Variants in TIMM29 observed in about 807,000 individuals in gnomAD.
TIMM29 encodes the protein mitochondrial import inner membrane translocase subunit Tim29.
Under a neutral mutation model 19.5 loss-of-function variants are expected in TIMM29, and 23 were observed. That is an observed-to-expected ratio of 1.18 (90% CI 0.85 to 1.67). The LOEUF (loss-of-function observed/expected upper bound fraction) is 1.67, where lower values mean the gene tolerates loss of function less well. Among genes scored for constraint, TIMM29 ranks in the 40% most tolerant of loss-of-function variants. TIMM29 has a pLI of 0.00. For missense variants in TIMM29, 404 were observed against 384.7 expected, an observed-to-expected ratio of 1.05 and a Z score of -0.42; for synonymous variants, 209 against 185.0, an observed-to-expected ratio of 1.13 and a Z score of -1.05.
Position 10,929,974 on chromosome 19 carries a change from T to C in TIMM29, c.*272T>C. ...TGGTCATGAGCCTTTTATATAAGCCTTTTTCATCGGGCCTCAGAGGCCCTC... is the reference window on the plus strand; with the variant it reads ...TGGTCATGAGCCTTTTATATAAGCCCTTTTCATCGGGCCTCAGAGGCCCTC... On this transcript the variant is annotated 3_prime_UTR_variant, in exon 2 of 2. Coordinates refer to ENST00000270502, the MANE Select transcript of TIMM29 (RefSeq NM_138358.4). The C allele has an allele frequency of 2.4e-6, 1 of 410,942 alleles. No individual in the cohort carries two copies. Among genetic ancestry groups the C allele is most frequent in the East Asian group, 4.4e-5 (1 of 22,746 alleles). The allele number at this position is 410,942 out of a possible 1,614,324, so 25.5% of individuals were successfully genotyped here.
chr19:10,929,547 G>C lies in TIMM29; in HGVS notation c.628G>C (p.Glu210Gln), dbSNP rs750638662. The change falls in exon 2 of 2, where the codon GAG (glutamate) becomes CAG (glutamine). Residue 210 changes from glutamate (E) to glutamine (Q), a missense_variant. Transcript: ENST00000270502. ...GPQQLHSETN[E>Q]RLFDEKYKPV... ...CCAGCAGCTGCATTCCGAGACCAACGAGCGGCTCTTCGATGAGAAGTACAA... is the reference window on the plus strand; with the variant it reads ...CCAGCAGCTGCATTCCGAGACCAACCAGCGGCTCTTCGATGAGAAGTACAA... 2 of 1,612,932 alleles carry C rather than the reference G, an allele frequency of 1.2e-6. No individual in the cohort carries two copies. The highest frequency in any genetic ancestry group is 1.3e-5 in the African/African-American group (1 of 74,942).
rs538684682 is a variant in TIMM29, at chr19:10,929,945, G to A, written c.*243G>A. 3.9e-5 allele frequency: 21 copies of A among 536,894 alleles called. No individual in the cohort carries two copies. In the South Asian group the frequency reaches 4.5e-4, roughly 12 times the overall value. The allele number at this position is 536,894 out of a possible 1,614,324, so 33.3% of individuals were successfully genotyped here. ...ACTTGACACATGTTCATCACTGGCAGAGCTGGTCATGAGCCTTTTATATAA... is the reference window on the plus strand; with the variant it reads ...ACTTGACACATGTTCATCACTGGCAAAGCTGGTCATGAGCCTTTTATATAA... On this transcript the variant is annotated 3_prime_UTR_variant, in exon 2 of 2. Coordinates refer to ENST00000270502, the MANE Select transcript of TIMM29 (RefSeq NM_138358.4).
Position 10,929,720 on chromosome 19 carries a change from G to T in TIMM29, c.*18G>T. 3 of 1,568,128 alleles carry T rather than the reference G, an allele frequency of 1.9e-6. No individual in the cohort carries two copies. The highest frequency in any genetic ancestry group is 2.6e-6 in the Non-Finnish European group (3 of 1,155,276). On this transcript the variant is annotated 3_prime_UTR_variant, in exon 2 of 2. Transcript: ENST00000270502. ...CGAGATGAAACCCTGAGGCCCCCGA[G>T]TCCTGGCAAACTGCTTGCCTGGGGT...
rs1260215135 is a variant in TIMM29 at position 10,929,666 on chromosome 19, G to A, written c.747G>A (p.Gln249=). 1 of 1,611,544 alleles carries A rather than the reference G, an allele frequency of 6.2e-7. No individual in the cohort carries two copies. Among genetic ancestry groups the A allele is most frequent in the African/African-American group, 1.3e-5 (1 of 74,900 alleles). Residue 249 remains glutamine (Q), a synonymous_variant, in exon 2 of 2, where the codon CAG becomes CAA. Transcript: ENST00000270502. ...KEKKDRLALS[Q]AHSLVQAEAP... ...AGAAGGACAGGCTCGCCCTGAGCCAGGCCCACTCGCTGGTGCAGGCGGAGG... is the reference window on the plus strand; with the variant it reads ...AGAAGGACAGGCTCGCCCTGAGCCAAGCCCACTCGCTGGTGCAGGCGGAGG...
rs1439721441 is a variant in TIMM29, at chr19:10,929,064, G to C, written c.145G>C (p.Ala49Pro). 3.4e-6 allele frequency: 5 copies of C among 1,467,138 alleles called. No individual in the cohort carries two copies. The African/African-American group carries it at 5.9e-5, about 17-fold the overall frequency. 90.9% of individuals were successfully genotyped at this position (1,467,138 alleles called of 1,614,324 possible). The change falls in exon 2 of 2, where the codon GCT becomes CCT. Residue 49 changes from alanine to proline, a missense_variant. Transcript: ENST00000270502. ...LRDYAEACRDASAEARARPGR... is the reference protein window; with the variant it reads ...LRDYAEACRDPSAEARARPGR... ...GGACTACGCCGAGGCCTGCAGGGAC[G>C]CTTCGGCGGAGGCTAGGGCCCGGCC... is the stretch of plus-strand genomic sequence containing the variant.
At position 10,929,015 on chromosome 19, in the gene TIMM29, G is replaced by A. The variant is rs1175488965; in HGVS notation, c.96G>A (p.Gly32=). The change falls in exon 2 of 2, where the codon GGG becomes GGA. Residue 32 remains glycine (G), a splice_region_variant and synonymous_variant. Transcript: ENST00000270502. ...CTTACCGCGCTCCTCTCCCCTCAGG[G>A]TCCTGGGCCCGCGCGCTGCTCCGGG... ...VAKPGVWARL[G]SWARALLRDY... 8.2e-6 allele frequency: 12 copies of A among 1,464,562 alleles called. No individual in the cohort carries two copies. In the East Asian group the frequency reaches 3.0e-4, roughly 37 times the overall value. 90.7% of individuals were successfully genotyped at this position (1,464,562 alleles called of 1,614,324 possible). A position where few individuals can be genotyped will look rare whatever the true frequency, so the allele number is the denominator to read the frequency against.
chr19:10,928,891 G>C lies in TIMM29; in HGVS notation c.69G>C (p.Ala23=), dbSNP rs2083468107. The C allele has an allele frequency of 6.6e-7, 1 of 1,523,906 alleles. No homozygotes were observed. Among genetic ancestry groups the C allele is most frequent in the South Asian group, 1.2e-5 (1 of 82,840 alleles). 94.4% of individuals were successfully genotyped at this position (1,523,906 alleles called of 1,614,324 possible). Residue 23 remains alanine (A), a synonymous_variant, in exon 1 of 2, where the codon GCG becomes GCC. Transcript: ENST00000270502. ...RRAEAGDAVV[A]KPGVWARLGS... is the part of the protein sequence containing the mutation. ...CAGAGGCGGGCGACGCGGTAGTGGC[G>C]AAGCCGGGAGTGTGGGCGCGGCTGG... is the stretch of plus-strand genomic sequence containing the variant.
chr19:10,928,866 C>T lies in TIMM29; in HGVS notation c.44C>T (p.Ala15Val), dbSNP rs1417894017. Residue 15 changes from alanine to valine, a missense_variant, in exon 1 of 2, where the codon GCA (alanine) becomes GTA (valine). Transcript: ENST00000270502. ...AGGAGATTTTGGTCCCGGCGCCGCG[C>T]AGAGGCGGGCGACGCGGTAGTGGCG... is the stretch of plus-strand genomic sequence containing the variant. ...ALRRFWSRRR[A>V]EAGDAVVAKP... The T allele has an allele frequency of 6.5e-7, 1 of 1,527,564 alleles. No individual in the cohort carries two copies. Among genetic ancestry groups the T allele is most frequent in the East Asian group, 2.7e-5 (1 of 37,662 alleles). The allele number at this position is 1,527,564 out of a possible 1,614,324, so 94.6% of individuals were successfully genotyped here.
rs139319173 is a variant in TIMM29, at chr19:10,929,592, G to C, written c.673G>C (p.Asp225His). Residue 225 changes from aspartate (D) to histidine (H), a missense_variant, in exon 2 of 2, where the codon GAT (aspartate) becomes CAT (histidine). Coordinates refer to ENST00000270502, the MANE Select transcript of TIMM29 (RefSeq NM_138358.4). ...GTACAAGCCTGTCGTGCTCACCGAC[G>C]ATCAGGTGGACCAGGCGCTGTGGGA... ...EKYKPVVLTDDQVDQALWEEQ... is the reference protein window; with the variant it reads ...EKYKPVVLTDHQVDQALWEEQ... 1.2e-6 allele frequency: 2 copies of C among 1,613,086 alleles called. No homozygotes were observed. The highest frequency in any genetic ancestry group is 2.7e-5 in the African/African-American group (2 of 75,064).
rs747449095 is a variant in TIMM29, at chr19:10,929,622, C to T, written c.703C>T (p.Gln235Ter). Residue 235 changes from glutamine to a stop codon, truncating the protein, a stop_gained, in exon 2 of 2, where the codon CAG becomes TAG. Transcript: ENST00000270502. LOFTEE classifies it low-confidence loss of function (END_TRUNC). ...DQVDQALWEE[Q>*]VLQKEKKDRL... ...GGTGGACCAGGCGCTGTGGGAGGAG[C>T]AGGTCTTGCAGAAGGAGAAGAAGGA... The T allele has an allele frequency of 1.2e-6, 2 of 1,612,898 alleles. No individual in the cohort carries two copies. The highest frequency in any genetic ancestry group is 1.7e-5 in the Admixed American group (1 of 59,964).
chr19:10,929,588 C>A lies in TIMM29; in HGVS notation c.669C>A (p.Thr223=), dbSNP rs767486530. Residue 223 remains threonine (T), a synonymous_variant, in exon 2 of 2, where the codon ACC becomes ACA. Coordinates refer to ENST00000270502, the MANE Select transcript of TIMM29 (RefSeq NM_138358.4). ...AGAAGTACAAGCCTGTCGTGCTCAC[C>A]GACGATCAGGTGGACCAGGCGCTGT... ...FDEKYKPVVL[T]DDQVDQALWE... The A allele has an allele frequency of 1.2e-6, 2 of 1,613,078 alleles. No individual in the cohort carries two copies. The highest frequency in any genetic ancestry group is 2.2e-5 in the South Asian group (2 of 91,092).
chr19:10,929,082 G>A lies in TIMM29; in HGVS notation c.163G>A (p.Ala55Thr). 1 of 1,459,816 alleles carries A rather than the reference G, an allele frequency of 6.9e-7. No individual in the cohort carries two copies. The highest frequency in any genetic ancestry group is 1.4e-5 in the South Asian group (1 of 72,688). The allele number at this position is 1,459,816 out of a possible 1,614,324, so 90.4% of individuals were successfully genotyped here. Residue 55 changes from alanine to threonine, a missense_variant, in exon 2 of 2, where the codon GCC becomes ACC. Physicochemically the swap from Ala to Thr is moderately conservative, Grantham distance 58. Transcript: ENST00000270502. ...ACRDASAEAR[A>T]RPGRAAVYVG... ...CAGGGACGCTTCGGCGGAGGCTAGG[G>A]CCCGGCCGGGGCGCGCCGCTGTGTA...
At position 10,929,649 on chromosome 19, in the gene TIMM29, AG is replaced by A; in HGVS notation, c.732del (p.Arg244SerfsTer4). The A allele has an allele frequency of 6.2e-7, 1 of 1,612,850 alleles. No individual in the cohort carries two copies. The highest frequency in any genetic ancestry group is 8.5e-7 in the Non-Finnish European group (1 of 1,179,898). On this transcript the variant is annotated frameshift_variant, in exon 2 of 2. Transcript: ENST00000270502. LOFTEE classifies it low-confidence loss of function (END_TRUNC). ...EQVLQKEKKDRLALSQAHSLV... is the reference protein window; with the variant it reads ...EQVLQKEKKDXLALSQAHSLV... ...GGTCTTGCAGAAGGAGAAGAAGGAC[AG>A]GCTCGCCCTGAGCCAGGCCCACTCG...
chr19:10,929,264 G>C lies in TIMM29; in HGVS notation c.345G>C (p.Trp115Cys). The C allele has an allele frequency of 6.5e-7, 1 of 1,536,254 alleles. No homozygotes were observed. The change falls in exon 2 of 2, where the codon TGG (tryptophan) becomes TGC (cysteine). Residue 115 changes from tryptophan (W) to cysteine (C), a missense_variant. Trp to Cys is a radical substitution (Grantham distance 215). Transcript: ENST00000270502. ...AAGCCTTCGTGCAGAGGCTGCTCTG[G>C]CTGCGGGGCCGTGGCCGCCTGCGCT... is the stretch of plus-strand genomic sequence containing the variant. ...ESEAFVQRLL[W>C]LRGRGRLRYV...
Position 10,929,562 on chromosome 19 carries a change from G to A in TIMM29, c.643G>A (p.Glu215Lys). The change falls in exon 2 of 2, where the codon GAG becomes AAG. Residue 215 changes from glutamate to lysine, a missense_variant. Coordinates refer to ENST00000270502, the MANE Select transcript of TIMM29 (RefSeq NM_138358.4). ...CGAGACCAACGAGCGGCTCTTCGATGAGAAGTACAAGCCTGTCGTGCTCAC... is the reference window on the plus strand; with the variant it reads ...CGAGACCAACGAGCGGCTCTTCGATAAGAAGTACAAGCCTGTCGTGCTCAC... ...HSETNERLFD[E>K]KYKPVVLTDD... 1 of 1,613,076 alleles carries A rather than the reference G, an allele frequency of 6.2e-7. No individual in the cohort carries two copies. The highest frequency in any genetic ancestry group is 8.5e-7 in the Non-Finnish European group (1 of 1,180,028).
Position 10,929,145 on chromosome 19 carries a change from C to T in TIMM29, c.226C>T (p.Leu76=), listed in dbSNP as rs1213076294. The stretch of plus-strand genomic sequence containing the variant: ...GGGCGGCGCGGCGGCCTGCTTCACG[C>T]TGGCGCCCAGCGAGGGTGCCTTCGA... ...LLGGAAACFT[L]APSEGAFEEA... Residue 76 remains leucine (L), a synonymous_variant, in exon 2 of 2, where the codon CTG becomes TTG. Transcript: ENST00000270502. The T allele has an allele frequency of 4.1e-6, 6 of 1,455,184 alleles. No homozygotes were observed. The South Asian group carries it at 5.6e-5, about 14-fold the overall frequency. The allele number at this position is 1,455,184 out of a possible 1,614,324, so 90.1% of individuals were successfully genotyped here.
chr19:10,928,826 G>A lies in TIMM29; in HGVS notation c.4G>A (p.Ala2Thr). M[A>T]AAALRRFWSR... ...AGGACCCCCAAGACGGAAGAGGATG[G>A]CCGCGGCGGCTCTGAGGAGATTTTG... Residue 2 changes from alanine to threonine, a missense_variant, in exon 1 of 2, where the codon GCC becomes ACC. Transcript: ENST00000270502. 6.5e-7 allele frequency: 1 copy of A among 1,529,640 alleles called. No homozygotes were observed. Among genetic ancestry groups the A allele is most frequent in the Non-Finnish European group, 8.8e-7 (1 of 1,141,496 alleles). 94.8% of individuals were successfully genotyped at this position (1,529,640 alleles called of 1,614,324 possible).
In TIMM29 at chr19:10,929,095, G is replaced by A. The variant is rs765505019; in HGVS notation, c.176G>A (p.Arg59His). The change falls in exon 2 of 2, where the codon CGC becomes CAC. Residue 59 changes from arginine to histidine, a missense_variant. Coordinates refer to ENST00000270502, the MANE Select transcript of TIMM29 (RefSeq NM_138358.4). ...ASAEARARPG[R>H]AAVYVGLLGG... Reference sequence around the variant, plus strand: ...GCGGAGGCTAGGGCCCGGCCGGGGCGCGCCGCTGTGTATGTGGGTCTGCTG... The same window carrying A: ...GCGGAGGCTAGGGCCCGGCCGGGGCACGCCGCTGTGTATGTGGGTCTGCTG... The A allele has an allele frequency of 6.2e-6, 9 of 1,456,120 alleles. No individual in the cohort carries two copies. The South Asian group carries it at 6.9e-5, about 11-fold the overall frequency. The allele number at this position is 1,456,120 out of a possible 1,614,324, so 90.2% of individuals were successfully genotyped here.
Position 10,929,216 on chromosome 19 carries a change from G to T in TIMM29, c.297G>T (p.Pro99=). The T allele has an allele frequency of 6.7e-7, 1 of 1,483,934 alleles. No homozygotes were observed. The highest frequency in any genetic ancestry group is 8.9e-7 in the Non-Finnish European group (1 of 1,122,748). 91.9% of individuals were successfully genotyped at this position (1,483,934 alleles called of 1,614,324 possible). ...EASGTLLLLA[P]ATRNRESEAF... ...CGGGGACCCTCCTGCTGCTGGCGCC[G>T]GCCACCCGCAACCGCGAGTCCGAAG... is the stretch of plus-strand genomic sequence containing the variant. Residue 99 remains proline, a synonymous_variant, in exon 2 of 2, where the codon CCG becomes CCT. Coordinates refer to ENST00000270502, the MANE Select transcript of TIMM29 (RefSeq NM_138358.4).
Sources: allele counts gnomAD v4.1 joint callset, GRCh38; gene constraint gnomAD v4.1.1; transcripts MANE v1.5; gene names NCBI Gene and HGNC (gene_info 2026-07-23, HGNC 2026-07-21).